The following NEGR1 variants were observed in gnomAD, a reference collection of about 807,000 sequenced individuals.
NEGR1 encodes neuronal growth regulator 1, also known as IgLON family member 4.
A neutral mutation model predicts 40.9 loss-of-function variants in NEGR1; 10 were observed. The ratio of observed to expected loss-of-function variants is 0.24; its 90% confidence interval spans 0.15 to 0.42. NEGR1 has a LOEUF of 0.42. Ranked by LOEUF, NEGR1 falls within the 10% of genes least tolerant of loss-of-function variation. The pLI is 1.00. For missense variants in NEGR1, 352 were observed against 438.9 expected (o/e 0.80, Z 1.77); for synonymous variants, 185 against 166.8 (o/e 1.11, Z -0.84).
chr1:72,154,032 T>G (rs1358534311), intron 1 of NEGR1, among the ~76,000 whole-genome samples: 1 of 151,172 alleles, frequency 6.6e-6, no homozygotes, highest in Non-Finnish European at 1.5e-5. Context: ...AATAAAAGAG[T>G]GTTGAATGAG....
intron 1 of NEGR1, among the ~76,000 whole-genome samples, chr1:72,265,536 TG>T (rs1436138906): frequency 6.6e-6 from 1 of 150,776 alleles, no homozygotes; most frequent in African/African-American, 2.4e-5. Context: ...TTCAAGAAAA[TG>T]AAATATATGC....
At chr1:71,706,007 A>G (rs1653883776) in intron 3 of NEGR1, among the ~76,000 whole-genome samples, 1 of 152,192 alleles carries the variant, frequency 6.6e-6, no homozygotes, top group Admixed American at 6.5e-5. Flanking sequence ...TTTCATAAGA[A>G]CCAAAATTCA....
At chr1:71,799,414 C>T (rs550972829) in intron 2 of NEGR1, among the ~76,000 whole-genome samples, 8 of 152,168 alleles carry the variant, frequency 5.3e-5, no homozygotes, top group East Asian at 1.9e-4. Flanking sequence ...ATGGTGTATA[C>T]GTGCCACATT....
At chr1:71,571,424 T>C (rs972088450) in intron 6 of NEGR1, among the ~76,000 whole-genome samples, 1 of 152,216 alleles carries the variant, frequency 6.6e-6, no homozygotes, top group African/African-American at 2.4e-5. Context: ...AAATTGATTT[T>C]GCCAAGATGC....
chr1:71,577,280 G>T (rs573462762), intron 6 of NEGR1, among the ~76,000 whole-genome samples: 2 of 152,136 alleles, frequency 1.3e-5, no homozygotes, highest in Non-Finnish European at 2.9e-5. Flanking sequence ...GAAATAATTT[G>T]CTTTTGTTTC....
intron 2 of NEGR1, among the ~76,000 whole-genome samples, chr1:71,879,027 G>GA (rs879944960): frequency 5.9e-5 from 9 of 152,010 alleles, no homozygotes; most frequent in Admixed American, 2.6e-4. Flanking sequence ...CAGCTACTCA[G>GA]AAGGCTGAGG....
At chr1:72,191,888 A>G (rs1161543920) in intron 1 of NEGR1, among the ~76,000 whole-genome samples, 4 of 151,830 alleles carry the variant, frequency 2.6e-5, no homozygotes, top group African/African-American at 9.7e-5. Flanking sequence ...TGGCAGTGCC[A>G]TCTTCCTCTC....
intron 1 of NEGR1, among the ~76,000 whole-genome samples, chr1:72,111,139 C>G (rs552072990): frequency 1.1e-3 from 165 of 150,728 alleles, no homozygotes; most frequent in African/African-American, 3.7e-3. Flanking sequence ...CACACACATG[C>G]AGATTTCTCA....
chr1:71,864,145 G>T (rs183021392), intron 2 of NEGR1, among the ~76,000 whole-genome samples: 238 of 152,198 alleles, frequency 1.6e-3, no homozygotes, highest in Middle Eastern at 3.4e-3. Context: ...TGGTTGTCAG[G>T]GGGCCGTCTT....
intron 6 of NEGR1, among the ~76,000 whole-genome samples, chr1:71,510,573 A>T (rs1647065932): frequency 6.6e-6 from 1 of 152,206 alleles, no homozygotes; most frequent in South Asian, 2.1e-4. Context: ...GAAAAGTTTC[A>T]TTATTGGGAA....
chr1:72,115,162 T>C (rs935128585), intron 1 of NEGR1, among the ~76,000 whole-genome samples: 4 of 151,702 alleles, frequency 2.6e-5, no homozygotes, highest in African/African-American at 7.2e-5. Context: ...GGAATGCAAG[T>C]GCCTAAGAAG....
intron 6 of NEGR1, among the ~76,000 whole-genome samples, chr1:71,424,472 C>A (rs1237523988): frequency 6.6e-6 from 1 of 152,178 alleles, no homozygotes; most frequent in East Asian, 1.9e-4. Context: ...ACATTCCCAT[C>A]CCCTGGTTAC....
chr1:72,011,608 C>T (rs1301553256), intron 1 of NEGR1, among the ~76,000 whole-genome samples: 1 of 152,112 alleles, frequency 6.6e-6, no homozygotes. Flanking sequence ...AAAAAGCTGA[C>T]ATTTTTGGGA....
rs190972778 is a variant in NEGR1, at chr1:71,604,846, A to G, written c.788+6180T>C. On this transcript the variant is annotated intron_variant, in intron 5 of 6. Transcript: ENST00000357731. ...TCACATTTTTTTCTATAGCAGTGTT[A>G]TAAGGAATGACTTAAAAGAGAATAG... 1.5e-3 allele frequency among the ~76,000 whole-genome samples: 223 copies of G among 152,296 alleles called. 1 individual carries two copies. Among genetic ancestry groups the G allele is most frequent in the East Asian group, 3.3e-3 (17 of 5,192 alleles).
chr1:71,602,161 C>A (rs1278048785), intron 5 of NEGR1, among the ~76,000 whole-genome samples: 1 of 151,536 alleles, frequency 6.6e-6, no homozygotes, highest in Non-Finnish European at 1.5e-5. Flanking sequence ...TCATATCCTG[C>A]ACACCAAGAC....
intron 6 of NEGR1, among the ~76,000 whole-genome samples, chr1:71,507,133 TAA>T (rs1647040328): frequency 6.6e-6 from 1 of 152,332 alleles, no homozygotes; most frequent in Non-Finnish European, 1.5e-5. Context: ...ATAGTTCATG[TAA>T]ATGGTCATCA....
chr1:71,952,759 G>A (rs1646082897), intron 1 of NEGR1, among the ~76,000 whole-genome samples: 1 of 151,786 alleles, frequency 6.6e-6, no homozygotes, highest in African/African-American at 2.4e-5. Context: ...CTCTCTTGTT[G>A]GGGACTAGTG....
At chr1:72,238,177 G>T (rs1194269) in intron 1 of NEGR1, among the ~76,000 whole-genome samples, 209 of 151,564 alleles carry the variant, frequency 1.4e-3, no homozygotes, top group African/African-American at 4.9e-3. Flanking sequence ...GGATTTTCTT[G>T]TATCTTCCTC....
chr1:71,504,817 G>A (rs1008267273), intron 6 of NEGR1, among the ~76,000 whole-genome samples: 1 of 152,118 alleles, frequency 6.6e-6, no homozygotes, highest in Admixed American at 6.5e-5. Context: ...CACACTGAAG[G>A]GTCATTCTTA....
Sources: gnomAD v4.1 joint callset for allele counts (sites outside exome capture counted in the v4.1 genomes callset) on GRCh38, gnomAD v4.1.1 for gene constraint, MANE v1.5 for transcripts, NCBI Gene and HGNC (gene_info 2026-07-23, HGNC 2026-07-21) for gene names.